The following SH3D19 variants were observed in gnomAD, a reference collection of about 807,000 sequenced individuals.
The protein encoded by SH3D19 is SH3 domain-containing protein 19.
Under a neutral mutation model 112.1 loss-of-function variants are expected in SH3D19, and 58 were observed. The observed-to-expected ratio is 0.52, with a 90% CI of 0.42 to 0.64. The LOEUF (loss-of-function observed/expected upper bound fraction) is 0.64. SH3D19 is among the 30% of genes least tolerant of loss of function. The pLI is 0.00. For synonymous variants in SH3D19, 391 were observed against 448.5 expected (o/e 0.87, Z 1.62); for missense variants, 1,090 against 1,263.4 (o/e 0.86, Z 2.08).
chr4:151,240,279 C>T (rs1770454903), intron 1 of SH3D19, among the ~76,000 whole-genome samples: 1 of 148,912 alleles, frequency 6.7e-6, no homozygotes. Flanking sequence ...GGAACAGTGG[C>T]ACGAGCCTGT....
At chr4:151,299,601 A>AAAG (rs5862957) in intron 1 of SH3D19, among the ~76,000 whole-genome samples, 83 of 148,002 alleles carry the variant, frequency 5.6e-4, no homozygotes, top group Non-Finnish European at 9.0e-5. Context: ...AAAAAAAAAA[A>AAAG]TTAAAATCAC....
intron 2 of SH3D19, among the ~76,000 whole-genome samples, chr4:151,206,873 G>C (rs1048660759): frequency 5.9e-5 from 9 of 152,174 alleles, no homozygotes; most frequent in Non-Finnish European, 1.3e-4. Context: ...CATCACCTCC[G>C]CTTCAGTTTT....
intron 2 of SH3D19, among the ~76,000 whole-genome samples, chr4:151,196,598 C>A (rs1015643243): frequency 6.6e-6 from 1 of 151,764 alleles, no homozygotes; most frequent in Non-Finnish European, 1.5e-5. Context: ...ATACTGAATA[C>A]TCCAGTATGC....
intron 1 of SH3D19, among the ~76,000 whole-genome samples, chr4:151,322,437 A>AAC (rs1333006330): frequency 6.7e-6 from 1 of 148,950 alleles, no homozygotes; most frequent in Admixed American, 6.6e-5. Flanking sequence ...TGCCTAAAAA[A>AAC]AAAAAAAAAA....
At chr4:151,307,707 C>T (rs1381099420) in intron 1 of SH3D19, among the ~76,000 whole-genome samples, 4 of 152,196 alleles carry the variant, frequency 2.6e-5, no homozygotes, top group Non-Finnish European at 4.4e-5. Context: ...TGACACCAAA[C>T]GGCAAACATC....
At chr4:151,128,018 C>T (rs1749795466) in intron 18 of SH3D19, 152 bp downstream of exon 18, 1 of 544,854 alleles carries the variant, frequency 1.8e-6, no homozygotes, top group African/African-American at 2.0e-5. Flanking sequence ...TCTAACAAAG[C>T]ATATGAATGA....
chr4:151,230,622 A>G (rs1769537040), intron 1 of SH3D19, among the ~76,000 whole-genome samples: 1 of 149,472 alleles, frequency 6.7e-6, no homozygotes, highest in Non-Finnish European at 1.5e-5. Context: ...TTTAATTGAG[A>G]CAGAGTCTCA....
intron 3 of SH3D19, among the ~76,000 whole-genome samples, chr4:151,182,729 T>A (rs980509133): frequency 2.0e-5 from 3 of 152,236 alleles, no homozygotes; most frequent in African/African-American, 7.2e-5. Flanking sequence ...CTGCAGATTT[T>A]CATGTGTTGT....
chr4:151,253,585 C>T (rs1431771274), intron 1 of SH3D19, among the ~76,000 whole-genome samples: 1 of 151,974 alleles, frequency 6.6e-6, no homozygotes, highest in Non-Finnish European at 1.5e-5. Flanking sequence ...ACTAAAAATA[C>T]AAAAAATTAG....
chr4:151,281,480 G>A (rs899912873), intron 1 of SH3D19, among the ~76,000 whole-genome samples: 3 of 152,112 alleles, frequency 2.0e-5, no homozygotes, highest in African/African-American at 7.2e-5. Context: ...GGTAGACAGC[G>A]ATGTGTAAGA....
intron 3 of SH3D19, among the ~76,000 whole-genome samples, chr4:151,185,040 GTTTTTTTTTTTT>G (rs66567240): frequency 3.0e-5 from 2 of 66,520 alleles, no homozygotes; most frequent in South Asian, 6.6e-4. Flanking sequence ...GCTGTGTCCT[GTTTTTTTTTTTT>G]TTTTTTTTTT....
intron 2 of SH3D19, among the ~76,000 whole-genome samples, chr4:151,206,380 T>C (rs1765116073): frequency 6.6e-6 from 1 of 152,198 alleles, no homozygotes. Context: ...TAAAGTCTTC[T>C]ATTACTCACT....
chr4:151,211,904 G>T (rs1426989885), intron 2 of SH3D19, among the ~76,000 whole-genome samples: 1 of 152,208 alleles, frequency 6.6e-6, no homozygotes, highest in African/African-American at 2.4e-5. Context: ...TGCAAGTGCT[G>T]ATGGAAAAGC....
intron 1 of SH3D19, among the ~76,000 whole-genome samples, chr4:151,301,132 G>T (rs917409484): frequency 5.9e-5 from 9 of 152,214 alleles, no homozygotes; most frequent in African/African-American, 1.9e-4. Context: ...GGGGCCTGAT[G>T]GGGGGTGATT....
intron 1 of SH3D19, among the ~76,000 whole-genome samples, chr4:151,306,034 T>C (rs1305734457): frequency 6.6e-6 from 1 of 152,242 alleles, no homozygotes; most frequent in African/African-American, 2.4e-5. Flanking sequence ...TCTCAGAGGT[T>C]ATATATTAAT....
intron 1 of SH3D19, among the ~76,000 whole-genome samples, chr4:151,307,551 G>T (rs924280787): frequency 6.6e-6 from 1 of 152,234 alleles, no homozygotes; most frequent in African/African-American, 2.4e-5. Context: ...GTGTGTGCCC[G>T]CAGGGCCTGA....
chr4:151,198,427 AT>A (rs1489748621), intron 2 of SH3D19, among the ~76,000 whole-genome samples: 21 of 141,434 alleles, frequency 1.5e-4, no homozygotes, highest in Admixed American at 3.6e-4. Context: ...TAAAATATAT[AT>A]TATATAAAAT....
chr4:151,191,954 T>TTTTCTC (rs1328640082), intron 2 of SH3D19, among the ~76,000 whole-genome samples: 1 of 137,262 alleles, frequency 7.3e-6, no homozygotes, highest in Non-Finnish European at 1.6e-5. Flanking sequence ...CCTTTTTTTT[T>TTTTCTC]TTTTTTTTTG....
chr4:151,322,951 C>A (rs1457936008), intron 1 of SH3D19, among the ~76,000 whole-genome samples: 3 of 144,326 alleles, frequency 2.1e-5, no homozygotes, highest in Non-Finnish European at 4.7e-5. Flanking sequence ...AAATAATAAC[C>A]ACAAAGGTTA....
Sources: allele counts gnomAD v4.1 joint callset (sites outside exome capture counted in the v4.1 genomes callset), GRCh38; gene constraint gnomAD v4.1.1; transcripts MANE v1.5; gene names NCBI Gene and HGNC (gene_info 2026-07-23, HGNC 2026-07-21).